The following KLF12 variants were observed in gnomAD, a reference collection of about 807,000 sequenced individuals.
KLF12 encodes the protein KLF transcription factor 12, also known as Krueppel-like factor 12.
Under a neutral mutation model 37.8 loss-of-function variants are expected in KLF12, and 9 were observed. The ratio of observed to expected loss-of-function variants is 0.24; its 90% CI spans 0.14 to 0.42. The LOEUF is 0.42. Among genes scored for constraint, KLF12 ranks in the 10% least tolerant of loss-of-function variants. The pLI, the probability that KLF12 is intolerant of heterozygous loss-of-function variation, is 1.00. For missense variants in KLF12, 411 were observed against 516.0 expected, an observed-to-expected ratio of 0.80 and a Z score of 1.97; for synonymous variants, 208 against 202.1, an observed-to-expected ratio of 1.03 and a Z score of -0.25.
At chr13:73,745,424 G>A (rs536417414) in intron 6 of KLF12, among the ~76,000 whole-genome samples, 8 of 152,228 alleles carry the variant, frequency 5.3e-5, no homozygotes, top group African/African-American at 1.7e-4. Context: ...CACCTAGGAT[G>A]AGGACTGAAG....
the KLF12 span, among the ~76,000 whole-genome samples, chr13:74,200,431 A>G: frequency 6.6e-6 from 1 of 152,142 alleles, no homozygotes; most frequent in Non-Finnish European, 1.5e-5. Flanking sequence ...CTGCAGGATC[A>G]TATTATGTGT....
chr13:74,012,550 T>C (rs565178122), intron 1 of KLF12, among the ~76,000 whole-genome samples: 65 of 152,328 alleles, frequency 4.3e-4, no homozygotes, highest in Admixed American at 4.1e-3. Flanking sequence ...CAACTAAGTA[T>C]ATTATGTTAC....
chr13:74,111,188 A>G (rs777845263), intron 1 of KLF12, among the ~76,000 whole-genome samples: 5 of 151,868 alleles, frequency 3.3e-5, no homozygotes, highest in Non-Finnish European at 7.4e-5. Context: ...TAAGAATAAT[A>G]TAAGTTATAT....
intron 3 of KLF12, among the ~76,000 whole-genome samples, chr13:73,878,534 T>G (rs1434180610): frequency 6.6e-6 from 1 of 152,232 alleles, no homozygotes; most frequent in African/African-American, 2.4e-5. Flanking sequence ...CGTTGTGCAC[T>G]GCTCAGCATG....
intron 1 of KLF12, among the ~76,000 whole-genome samples, chr13:74,088,060 G>A (rs7328778): frequency 0.33 from 50,531 of 151,764 alleles, 8,795 homozygotes; most frequent in Middle Eastern, 0.45. Context: ...CCTACAGACT[G>A]GAAAACAAAA....
chr13:73,706,511 C>T (rs1874957265), intron 7 of KLF12, among the ~76,000 whole-genome samples: 2 of 152,192 alleles, frequency 1.3e-5, no homozygotes, highest in African/African-American at 2.4e-5. Flanking sequence ...CAGTAACTCT[C>T]CATGATAGGT....
At chr13:73,932,408 T>C (rs1889728034) in intron 3 of KLF12, among the ~76,000 whole-genome samples, 1 of 152,190 alleles carries the variant, frequency 6.6e-6, no homozygotes, top group Non-Finnish European at 1.5e-5. Context: ...CAGATCAAAA[T>C]TGTCACCAGG....
At chr13:73,958,808 T>A (rs1042774120) in intron 2 of KLF12, among the ~76,000 whole-genome samples, 1 of 152,094 alleles carries the variant, frequency 6.6e-6, no homozygotes, top group Non-Finnish European at 1.5e-5. Flanking sequence ...AATGCCACTT[T>A]CCTTTATCAC....
At chr13:74,063,896 G>A (rs895241938) in intron 1 of KLF12, among the ~76,000 whole-genome samples, 3 of 152,096 alleles carry the variant, frequency 2.0e-5, no homozygotes, top group Admixed American at 1.3e-4. Context: ...TCAGTGCTGT[G>A]CCCAAGCTGC....
chr13:74,213,642 C>T, the KLF12 span, among the ~76,000 whole-genome samples: 28 of 148,434 alleles, frequency 1.9e-4, no homozygotes, highest in African/African-American at 6.9e-4. Context: ...TTCTTTCCTC[C>T]CTTCCTTCCT....
At chr13:73,990,943 TATG>T (rs200009161) in intron 2 of KLF12, among the ~76,000 whole-genome samples, 1,583 of 152,320 alleles carry the variant, frequency 0.01, 21 homozygotes, top group African/African-American at 0.032. Flanking sequence ...GAACAGAAGA[TATG>T]AGGCACGGAG....
At chr13:74,205,305 G>A in the KLF12 span, among the ~76,000 whole-genome samples, 1 of 152,106 alleles carries the variant, frequency 6.6e-6, no homozygotes, top group African/African-American at 2.4e-5. Flanking sequence ...AGGAAATATT[G>A]TCAGATGAAG....
Position 74,029,267 on chromosome 13 carries a change from T to C in KLF12, c.-31-34214A>G, listed in dbSNP as rs548955455. Among the ~76,000 whole-genome samples, 17 of 152,270 alleles carry C rather than the reference T, an allele frequency of 1.1e-4. No homozygotes were observed. In the East Asian group the frequency reaches 3.3e-3, roughly 29 times the overall value. ...CAGCACTTTTATTTCTATTTCTTCA[T>C]ATAAATGTTCTAGATCTGCTTTTCC... On this transcript the variant is annotated intron_variant, in intron 1 of 7. Transcript: ENST00000377669.
chr13:74,145,138 G>A, the KLF12 span, among the ~76,000 whole-genome samples: 1 of 152,158 alleles, frequency 6.6e-6, no homozygotes, highest in South Asian at 2.1e-4. Context: ...CATTTTCTTG[G>A]TACTGTCCTG....
chr13:74,216,115 C>T, the KLF12 span, among the ~76,000 whole-genome samples: 2 of 152,180 alleles, frequency 1.3e-5, no homozygotes, highest in Non-Finnish European at 2.9e-5. Flanking sequence ...TGGCACTTGG[C>T]ATTCACCTTT....
At chr13:73,959,162 G>A (rs1029618712) in intron 2 of KLF12, among the ~76,000 whole-genome samples, 9 of 113,578 alleles carry the variant, frequency 7.9e-5, no homozygotes, top group South Asian at 6.7e-4. Flanking sequence ...ATCTTGCTCC[G>A]CATCATGAAT....
chr13:74,149,472 C>T, the KLF12 span, among the ~76,000 whole-genome samples: 1 of 152,168 alleles, frequency 6.6e-6, no homozygotes, highest in Non-Finnish European at 1.5e-5. Context: ...TCACGTATGT[C>T]AGCAAGCCCT....
chr13:74,177,118 G>C, the KLF12 span, among the ~76,000 whole-genome samples: 1 of 152,124 alleles, frequency 6.6e-6, no homozygotes, highest in South Asian at 2.1e-4. Context: ...AGTAAATTAA[G>C]TGTAATTATG....
At chr13:73,875,279 G>A (rs1170301264) in intron 3 of KLF12, among the ~76,000 whole-genome samples, 1 of 152,014 alleles carries the variant, frequency 6.6e-6, no homozygotes, top group Non-Finnish European at 1.5e-5. Context: ...CTCTTTTAAG[G>A]TTACAAAGAC....
Sources: allele counts gnomAD v4.1 joint callset (sites outside exome capture counted in the v4.1 genomes callset), GRCh38; gene constraint gnomAD v4.1.1; transcripts MANE v1.5; gene names NCBI Gene and HGNC (gene_info 2026-07-23, HGNC 2026-07-21).